Variants in ARHGAP24 observed in about 807,000 individuals in gnomAD.
The protein encoded by ARHGAP24 is Rho GTPase activating protein 24.
ARHGAP24 carries 50 observed loss-of-function variants against 76.4 expected under a neutral mutation model. That is an observed-to-expected ratio of 0.65 (90% confidence interval 0.52 to 0.83). The LOEUF is 0.83. ARHGAP24 is among the 40% of genes least tolerant of loss of function. The pLI, the probability that ARHGAP24 is intolerant of heterozygous loss-of-function variation, is 0.00. For synonymous variants in ARHGAP24, 345 were observed against 323.3 expected (o/e 1.07, Z -0.72); for missense variants, 930 against 914.2 (o/e 1.02, Z -0.22).
chr4:85,728,798 G>T (rs1446603071), intron 3 of ARHGAP24, among the ~76,000 whole-genome samples: 2 of 152,144 alleles, frequency 1.3e-5, no homozygotes, highest in African/African-American at 4.8e-5. Context: ...GGATAATAAT[G>T]TAACAACAGC....
Position 85,681,557 on chromosome 4 carries a change from T to G in ARHGAP24, c.181-40328T>G, listed in dbSNP as rs188814628. 1.6e-3 allele frequency among the ~76,000 whole-genome samples: 245 copies of G among 152,340 alleles called. 1 individual carries two copies. Among genetic ancestry groups the G allele is most frequent in the African/African-American group, 5.3e-3 (222 of 41,574 alleles). ...TAGATAGCAGCTGCATTGAGTTTTC[T>G]GAATGCATCTGGAAATCACAAGATC... On this transcript the variant is annotated intron_variant, in intron 2 of 9. Transcript: ENST00000395184.
intron 3 of ARHGAP24, among the ~76,000 whole-genome samples, chr4:85,839,687 G>T (rs1227723884): frequency 6.6e-6 from 1 of 151,916 alleles, no homozygotes. Flanking sequence ...CTGACCTCGT[G>T]ATCCACCCGC....
At chr4:85,820,522 C>T (rs765767136) in intron 3 of ARHGAP24, among the ~76,000 whole-genome samples, 13 of 152,122 alleles carry the variant, frequency 8.5e-5, no homozygotes, top group Non-Finnish European at 1.6e-4. Flanking sequence ...ATCTAACTGA[C>T]TATTGGGTTT....
At chr4:85,556,711 G>C (rs747015363) in intron 1 of ARHGAP24, among the ~76,000 whole-genome samples, 1 of 152,158 alleles carries the variant, frequency 6.6e-6, no homozygotes, top group African/African-American at 2.4e-5. Context: ...AAACAGTCTG[G>C]CTGCTTTTCT....
At position 85,799,502 on chromosome 4, in the gene ARHGAP24, A is replaced by G. The variant is rs188881478; in HGVS notation, c.268+77530A>G. ...GAAATAAATTACTGAAAAATTTTAA[A>G]TGAGGTAGAAGTGAATATTCTTTCT... On this transcript the variant is annotated intron_variant, in intron 3 of 9. Transcript: ENST00000395184. Among the ~76,000 whole-genome samples, 9 of 152,326 alleles carry G rather than the reference A, an allele frequency of 5.9e-5. No individual in the cohort carries two copies. In the East Asian group the frequency reaches 1.5e-3, roughly 26 times the overall value.
chr4:86,000,367 T>C, intron 9 of ARHGAP24, 112 bp from the exon 10 acceptor site: 1 of 856,894 alleles, frequency 1.2e-6, no homozygotes, highest in Middle Eastern at 2.4e-4. Flanking sequence ...TTCCTAAGCA[T>C]CATAAAGAGT....
chr4:85,631,018 C>T (rs780449737), intron 2 of ARHGAP24, among the ~76,000 whole-genome samples: 12 of 151,958 alleles, frequency 7.9e-5, no homozygotes, highest in Non-Finnish European at 1.6e-4. Flanking sequence ...TGTGTATACA[C>T]ACACACATTC....
chr4:85,987,786 C>T (rs1251061915), intron 8 of ARHGAP24, among the ~76,000 whole-genome samples: 2 of 151,782 alleles, frequency 1.3e-5, no homozygotes, highest in African/African-American at 2.4e-5. Flanking sequence ...AGAAAAAATA[C>T]TCATTTTTTT....
chr4:85,675,123 T>C (rs1722933276), intron 2 of ARHGAP24, among the ~76,000 whole-genome samples: 1 of 152,200 alleles, frequency 6.6e-6, no homozygotes, highest in Admixed American at 6.5e-5. Context: ...TGGTAAGCAT[T>C]GTCCTTTGGC....
intron 3 of ARHGAP24, among the ~76,000 whole-genome samples, chr4:85,814,590 TGTAAGAGGTAG>T (rs936135983): frequency 2.6e-5 from 4 of 152,184 alleles, no homozygotes; most frequent in Non-Finnish European, 4.4e-5. Flanking sequence ...GGCATGCTGA[TGTAAGAGGTAG>T]GTTCCCAGGG....
At chr4:85,877,437 C>T (rs1198199252) in intron 3 of ARHGAP24, among the ~76,000 whole-genome samples, 2 of 152,086 alleles carry the variant, frequency 1.3e-5, no homozygotes, top group African/African-American at 2.4e-5. Flanking sequence ...CCAGCCTGGG[C>T]AACATTGCAA....
At chr4:85,996,910 A>T (rs958007670) in intron 9 of ARHGAP24, among the ~76,000 whole-genome samples, 1 of 152,238 alleles carries the variant, frequency 6.6e-6, no homozygotes, top group Non-Finnish European at 1.5e-5. Flanking sequence ...TAGAAAAAGA[A>T]AAAAGTTATC....
chr4:85,484,253 T>G (rs961930627), intron 1 of ARHGAP24, among the ~76,000 whole-genome samples: 14 of 152,316 alleles, frequency 9.2e-5, no homozygotes, highest in Admixed American at 6.5e-5. Context: ...AGCCCGGGAC[T>G]CTAAAGTATA....
intron 5 of ARHGAP24, among the ~76,000 whole-genome samples, chr4:85,945,759 C>CA (rs35877734): frequency 0.058 from 3,614 of 61,984 alleles, 69 homozygotes; most frequent in Middle Eastern, 0.11. Flanking sequence ...GACTCAGCCT[C>CA]AAAAAAAAAA....
chr4:85,841,468 A>G (rs1033692021), intron 3 of ARHGAP24, among the ~76,000 whole-genome samples: 1 of 152,246 alleles, frequency 6.6e-6, no homozygotes, highest in African/African-American at 2.4e-5. Flanking sequence ...AACTTAACTT[A>G]TAGTGTAATA....
chr4:85,624,529 A>T (rs1226271405), intron 2 of ARHGAP24, among the ~76,000 whole-genome samples: 1 of 152,138 alleles, frequency 6.6e-6, no homozygotes, highest in East Asian at 1.9e-4. Flanking sequence ...TTCATCAAGG[A>T]TATTGGTCTA....
chr4:85,934,737 A>T (rs1401630903), intron 4 of ARHGAP24, among the ~76,000 whole-genome samples: 1 of 151,754 alleles, frequency 6.6e-6, no homozygotes, highest in Non-Finnish European at 1.5e-5. Flanking sequence ...CTCGTCTCAA[A>T]CTCCTGACCT....
intron 3 of ARHGAP24, among the ~76,000 whole-genome samples, chr4:85,789,220 T>TA (rs35635619): frequency 0.16 from 20,575 of 128,268 alleles, 1,879 homozygotes; most frequent in African/African-American, 0.22. Flanking sequence ...GAACCTCCAT[T>TA]AAAAAAAAAA....
chr4:85,946,032 A>G (rs904133990), intron 5 of ARHGAP24, among the ~76,000 whole-genome samples: 1 of 152,124 alleles, frequency 6.6e-6, no homozygotes, highest in Non-Finnish European at 1.5e-5. Flanking sequence ...AGCAAGTCGC[A>G]TCTTATGTGG....
Sources: gnomAD v4.1 joint callset for allele counts (sites outside exome capture counted in the v4.1 genomes callset) on GRCh38, gnomAD v4.1.1 for gene constraint, MANE v1.5 for transcripts, NCBI Gene and HGNC (gene_info 2026-07-23, HGNC 2026-07-21) for gene names.